Variants in DMXL1 observed in about 807,000 individuals in gnomAD.
DMXL1 encodes the protein dmX-like protein 1.
A neutral mutation model predicts 319.2 loss-of-function variants in DMXL1; 99 were observed. The ratio of observed to expected loss-of-function variants is 0.31; its 90% confidence interval spans 0.26 to 0.37. The LOEUF is 0.37. Ranked by LOEUF, DMXL1 falls within the 10% of genes least tolerant of loss-of-function variation. DMXL1 has a pLI of 1.00. For synonymous variants in DMXL1, 1,385 were observed against 1,235.2 expected, an observed-to-expected ratio of 1.12 and a Z score of -2.54; for missense variants, 3,745 against 3,595.6, an observed-to-expected ratio of 1.04 and a Z score of -1.06.
chr5:119,111,103 T>C (rs1368428788), intron 5 of DMXL1, among the ~76,000 whole-genome samples: 1 of 152,176 alleles, frequency 6.6e-6, no homozygotes, highest in Non-Finnish European at 1.5e-5. Flanking sequence ...GATAGTCTTT[T>C]ATAGCAGGGA....
chr5:119,147,370 C>T lies in DMXL1; in HGVS notation c.2811C>T (p.Leu937=). 2 of 1,613,316 alleles carry T rather than the reference C, an allele frequency of 1.2e-6. No homozygotes were observed. The highest frequency in any genetic ancestry group is 1.7e-6 in the Non-Finnish European group (2 of 1,179,558). Residue 937 remains leucine, a synonymous_variant, in exon 17 of 44, where the codon CTC becomes CTT. Coordinates refer to ENST00000539542, the MANE Select transcript of DMXL1 (RefSeq NM_001290321.3). ...AGTATCAGGCTTGCAGAGCAAATCT[C>T]CAGAGTACCAGCAGGTTGACTCTGT... ...SQKYQACRAN[L]QSTSRLTLFS...
intron 9 of DMXL1, among the ~76,000 whole-genome samples, chr5:119,121,598 G>A (rs1052428932): frequency 2.0e-5 from 3 of 152,130 alleles, no homozygotes; most frequent in Non-Finnish European, 4.4e-5. Context: ...AGGGTTGGGG[G>A]TAAGGTCACA....
In DMXL1 at chr5:119,122,285, C is replaced by T. The variant is rs550317569; in HGVS notation, c.1102+1146C>T. On this transcript the variant is annotated intron_variant, in intron 9 of 43. Coordinates refer to ENST00000539542, the MANE Select transcript of DMXL1 (RefSeq NM_001290321.3). ...GGGGCCGACCACCCCACCTCCCTCC[C>T]GGACGGGGCGGCTGGCCGGGCGGGG... 2.6e-3 allele frequency among the ~76,000 whole-genome samples: 387 copies of T among 147,388 alleles called. 3 individuals are homozygous for T. The highest frequency in any genetic ancestry group is 8.6e-3 in the African/African-American group (345 of 39,958).
intron 10 of DMXL1, among the ~76,000 whole-genome samples, chr5:119,129,936 C>G (rs1205535952): frequency 2.0e-5 from 3 of 152,206 alleles, no homozygotes; most frequent in East Asian, 1.9e-4. Flanking sequence ...ATCACTTACA[C>G]TGTCATTCAG....
At chr5:119,123,965 A>G (rs1762898405) in intron 9 of DMXL1, among the ~76,000 whole-genome samples, 2 of 150,930 alleles carry the variant, frequency 1.3e-5, no homozygotes, top group Non-Finnish European at 2.9e-5. Flanking sequence ...ATTTGCAGCA[A>G]CTCACTGGAT....
intron 23 of DMXL1, 39 bp downstream of exon 23, chr5:119,167,903 TATTG>T (rs766001749): frequency 6.3e-7 from 1 of 1,578,772 alleles, no homozygotes; most frequent in Non-Finnish European, 8.6e-7. Flanking sequence ...TTAAGAATAT[TATTG>T]GTAATTGCTA....
rs577938600 is a variant in DMXL1 at position 119,092,191 on chromosome 5, T to A, written c.88-5788T>A. 5.3e-5 allele frequency among the ~76,000 whole-genome samples: 8 copies of A among 152,334 alleles called. No individual in the cohort carries two copies. The East Asian group carries it at 1.5e-3, about 29-fold the overall frequency. Reference sequence around the variant, plus strand: ...TTCATTCCTGTGGCCCCAGGAACTGTCTTGTCTTCATATGTGAGTTCTGGG... The same window carrying A: ...TTCATTCCTGTGGCCCCAGGAACTGACTTGTCTTCATATGTGAGTTCTGGG... On this transcript the variant is annotated intron_variant, in intron 1 of 43. Coordinates refer to ENST00000539542, the MANE Select transcript of DMXL1 (RefSeq NM_001290321.3).
intron 37 of DMXL1, among the ~76,000 whole-genome samples, chr5:119,224,239 T>C (rs1581422679): frequency 6.6e-6 from 1 of 152,284 alleles, no homozygotes; most frequent in East Asian, 1.9e-4. Flanking sequence ...TATAAATTTT[T>C]CCTTTAATTT....
chr5:119,133,549 T>G lies in DMXL1; in HGVS notation c.1625T>G (p.Leu542Arg). The stretch of plus-strand genomic sequence containing the variant: ...TTCCCCACAGGTGATGCAAACTCTC[T>G]CTGTAAAAGCATAATGATGTATGCC... ...VAFPTGDANS[L>R]CKSIMMYACT... is the part of the protein sequence containing the mutation. The change falls in exon 12 of 44, where the codon CTC (leucine) becomes CGC (arginine). Residue 542 changes from leucine to arginine, a missense_variant. Leu to Arg is a moderately radical substitution (Grantham distance 102). Around this residue, in one of 4 missense-constraint regions of DMXL1, gnomAD observed 2,096 missense variants for 1,985.4 expected, o/e 1.06. Coordinates refer to ENST00000539542, the MANE Select transcript of DMXL1 (RefSeq NM_001290321.3). 1 of 1,613,284 alleles carries G rather than the reference T, an allele frequency of 6.2e-7. No homozygotes were observed. Among genetic ancestry groups the G allele is most frequent in the Non-Finnish European group, 8.5e-7 (1 of 1,179,846 alleles).
intron 10 of DMXL1, among the ~76,000 whole-genome samples, chr5:119,130,960 A>G (rs970826109): frequency 1.3e-5 from 2 of 151,640 alleles, no homozygotes; most frequent in East Asian, 3.9e-4. Flanking sequence ...ATCTAAATAT[A>G]TGCTTTACAT....
chr5:119,073,758 G>C (rs1054114316), intron 1 of DMXL1, among the ~76,000 whole-genome samples: 1 of 152,206 alleles, frequency 6.6e-6, no homozygotes, highest in East Asian at 1.9e-4. Context: ...TAACAGTCAT[G>C]GTTTTCCTTT....
chr5:119,163,312 G>A (rs1772672717), intron 19 of DMXL1, among the ~76,000 whole-genome samples: 1 of 152,102 alleles, frequency 6.6e-6, no homozygotes. Context: ...ATATTATGCT[G>A]GTACAAAAGC....
At chr5:119,171,652 C>T (rs1341237720) in intron 24 of DMXL1, 126 bp from the exon 25 acceptor site, 2 of 732,514 alleles carry the variant, frequency 2.7e-6, no homozygotes, top group East Asian at 3.0e-5. Flanking sequence ...CCTTCTAACT[C>T]TAAGTTTCTA....
intron 10 of DMXL1, among the ~76,000 whole-genome samples, chr5:119,129,671 A>T: frequency 6.6e-6 from 1 of 152,188 alleles, no homozygotes; most frequent in South Asian, 2.1e-4. Context: ...TCCTATATAA[A>T]GGACTATCTG....
intron 31 of DMXL1, 44 bp downstream of exon 31, chr5:119,196,500 A>C: frequency 2.5e-6 from 3 of 1,222,004 alleles, no homozygotes; most frequent in Non-Finnish European, 3.5e-6. Context: ...ATTGCTTTTG[A>C]CTTACTACTC....
chr5:119,190,582 A>C (rs745672871), intron 29 of DMXL1, among the ~76,000 whole-genome samples: 18 of 152,220 alleles, frequency 1.2e-4, no homozygotes, highest in Non-Finnish European at 2.6e-4. Context: ...AAAAGAGGGA[A>C]ATGGCCAACT....
chr5:119,116,449 G>T (rs962939496), intron 7 of DMXL1, 113 bp downstream of exon 7: 24 of 1,153,618 alleles, frequency 2.1e-5, no homozygotes, highest in Non-Finnish European at 2.7e-5. Context: ...AGCCTATGAA[G>T]ATTAGAGTAA....
intron 19 of DMXL1, among the ~76,000 whole-genome samples, chr5:119,163,700 T>A (rs1042874477): frequency 5.3e-5 from 8 of 152,358 alleles, no homozygotes; most frequent in African/African-American, 1.9e-4. Context: ...GCCATTCTCC[T>A]GCGTCAGCCT....
At chr5:119,156,660 T>C (rs1203651032) in intron 19 of DMXL1, among the ~76,000 whole-genome samples, 2 of 144,626 alleles carry the variant, frequency 1.4e-5, no homozygotes, top group Admixed American at 6.9e-5. Context: ...AAATTTTTTC[T>C]TTTTTTTTTT....
Sources: allele counts gnomAD v4.1 joint callset (sites outside exome capture counted in the v4.1 genomes callset), GRCh38; gene constraint gnomAD v4.1.1; regional missense constraint gnomAD v4.1.1; transcripts MANE v1.5; gene names NCBI Gene and HGNC (gene_info 2026-07-23, HGNC 2026-07-21).